The following RIPOR2 variants were observed in gnomAD, a reference collection of about 807,000 sequenced individuals.
RIPOR2 encodes RHO family interacting cell polarization regulator 2.
In RIPOR2, 39 loss-of-function variants were observed where a neutral mutation model predicts 114.5. The observed-to-expected ratio is 0.34, with a 90% CI of 0.26 to 0.44. The LOEUF is 0.44. Ranked by LOEUF, RIPOR2 falls within the 20% of genes least tolerant of loss-of-function variation. RIPOR2 has a pLI of 1.00. For synonymous variants in RIPOR2, 445 were observed against 484.4 expected, an observed-to-expected ratio of 0.92 and a Z score of 1.07; for missense variants, 1,007 against 1,255.1, an observed-to-expected ratio of 0.80 and a Z score of 2.99.
intron 12 of RIPOR2, 144 bp from the exon 13 acceptor site, chr6:24,843,698 CGTGTGTGTGTGTGTGTGT>C (rs34540028): frequency 2.3e-4 from 83 of 368,306 alleles, no homozygotes; most frequent in Middle Eastern, 7.0e-4. Flanking sequence ...TTGTTGATGC[CGTGTGTGTGTGTGTGTGT>C]GTGTGTGTGT....
chr6:25,030,610 CAA>C lies in RIPOR2; in HGVS notation c.76+11239_76+11240del, dbSNP rs565518264. ...CATGTTAAGTGAAAGAAGCAAGACT[CAA>C]AAGGCTACATACTGTATGATTCTGT... On this transcript the variant is annotated intron_variant, in intron 1 of 13. Coordinates refer to the RIPOR2 transcript ENST00000510784. Among the ~76,000 whole-genome samples, 127 of 152,280 alleles carry C rather than the reference CAA, an allele frequency of 8.3e-4. 1 individual carries two copies. The highest frequency in any genetic ancestry group is 2.9e-3 in the African/African-American group (119 of 41,552).
chr6:24,923,739 T>C (rs1219229979), intron 1 of RIPOR2, among the ~76,000 whole-genome samples: 4 of 152,014 alleles, frequency 2.6e-5, no homozygotes, highest in Admixed American at 6.6e-5. Context: ...TTCCAGCTGC[T>C]TGGGAAGCTG....
intron 14 of RIPOR2, chr6:24,836,102 T>G: frequency 1.9e-6 from 1 of 527,196 alleles, no homozygotes; most frequent in East Asian, 3.2e-5. Flanking sequence ...TTTCTCTACT[T>G]TTTAAGCCTA....
chr6:25,039,000 A>G (rs1042988435), intron 1 of RIPOR2, among the ~76,000 whole-genome samples: 11 of 152,262 alleles, frequency 7.2e-5, no homozygotes, highest in Non-Finnish European at 2.9e-5. Flanking sequence ...CAGTGGTGGC[A>G]CATGTCCCTC....
At chr6:24,939,285 T>C (rs914494833), upstream of RIPOR2, among the ~76,000 whole-genome samples, 3 of 152,166 alleles carry the variant, frequency 2.0e-5, no homozygotes, top group African/African-American at 7.2e-5. Flanking sequence ...TATATAAAAT[T>C]TTAACAAAGT....
intron 1 of RIPOR2, among the ~76,000 whole-genome samples, chr6:24,888,365 G>T (rs970119628): frequency 6.6e-6 from 1 of 152,178 alleles, no homozygotes; most frequent in Non-Finnish European, 1.5e-5. Context: ...AGCTATTAGT[G>T]ATTATTGCTT....
In RIPOR2 at chr6:24,805,237, A is replaced by T. The variant is rs1269887843; in HGVS notation, c.*1136T>A. 2.2e-5 allele frequency: 1 copy of T among 46,252 alleles called. No individual in the cohort carries two copies. The highest frequency in any genetic ancestry group is 6.3e-4 in the South Asian group (1 of 1,590). 2.9% of individuals were successfully genotyped at this position (46,252 alleles called of 1,614,324 possible). A position where few individuals can be genotyped will look rare whatever the true frequency, so the allele number is the denominator to read the frequency against. On this transcript the variant is annotated 3_prime_UTR_variant, in exon 22 of 22. Transcript: ENST00000643898. ...TCATAAAAAATAGCTCTCATTAATT[A>T]AAAAAAAAAAAGCATAAGCTTTGAG...
intron 1 of RIPOR2, chr6:24,976,981 A>T: frequency 6.5e-7 from 1 of 1,536,464 alleles, no homozygotes; most frequent in South Asian, 1.1e-5. Context: ...AACTCGAATA[A>T]GTTTGACTTG....
rs1344150022 is a variant in RIPOR2 at position 24,805,230 on chromosome 6, A to G, written c.*1143T>C. On this transcript the variant is annotated 3_prime_UTR_variant, in exon 22 of 22. Coordinates refer to ENST00000643898, the MANE Select transcript of RIPOR2 (RefSeq NM_001286445.3). ...AAGAATATCATAAAAAATAGCTCTCATTAATTAAAAAAAAAAAAGCATAAG... is the reference window on the plus strand; with the variant it reads ...AAGAATATCATAAAAAATAGCTCTCGTTAATTAAAAAAAAAAAAGCATAAG... 1 of 119,780 alleles carries G rather than the reference A, an allele frequency of 8.3e-6. No individual in the cohort carries two copies. The highest frequency in any genetic ancestry group is 2.0e-4 in the East Asian group (1 of 4,934). 7.4% of individuals were successfully genotyped at this position (119,780 alleles called of 1,614,324 possible). A position where few individuals can be genotyped will look rare whatever the true frequency, so the allele number is the denominator to read the frequency against.
intron 1 of RIPOR2, among the ~76,000 whole-genome samples, chr6:24,903,411 T>A (rs186250796): frequency 1.3e-5 from 2 of 152,250 alleles, no homozygotes; most frequent in East Asian, 3.9e-4. Context: ...TGAAAGATCA[T>A]GCGGGGTGGG....
Position 24,835,824 on chromosome 6 carries a change from A to G in RIPOR2, c.2087T>C (p.Leu696Pro). The change falls in exon 15 of 22, where the codon CTC becomes CCC. Residue 696 changes from leucine to proline, a missense_variant. By Grantham distance (98) the Leu-to-Pro change is moderately conservative. Transcript: ENST00000643898. ...PEARGHLSEA[L>P]TEDTGVGTSV... ...GGTCCCAACTCCTGTGTCTTCAGTG[A>G]GCGCTTCACTGAGATGCCCCCTGGC... 1 of 1,551,558 alleles carries G rather than the reference A, an allele frequency of 6.4e-7. No individual in the cohort carries two copies.
chr6:24,964,250 A>G (rs539151390), intron 1 of RIPOR2, among the ~76,000 whole-genome samples: 3 of 151,944 alleles, frequency 2.0e-5, no homozygotes, highest in Non-Finnish European at 4.4e-5. Context: ...GAATTGTTCC[A>G]TCGCTACAGA....
intron 1 of RIPOR2, among the ~76,000 whole-genome samples, chr6:24,890,138 A>G (rs1431608318): frequency 6.6e-6 from 1 of 151,854 alleles, no homozygotes; most frequent in East Asian, 1.9e-4. Context: ...CAGGAGATCC[A>G]CCCGCCTCAG....
At chr6:24,947,840 G>C (rs945141212) in intron 1 of RIPOR2, 2 of 152,166 alleles carry the variant, frequency 1.3e-5, no homozygotes, top group Non-Finnish European at 2.9e-5. Context: ...AACTTTTAAT[G>C]TATAAGTTAA....
intron 18 of RIPOR2, among the ~76,000 whole-genome samples, chr6:24,825,713 TA>T (rs1315136342): frequency 6.6e-6 from 1 of 152,074 alleles, no homozygotes; most frequent in African/African-American, 2.4e-5. Context: ...TAGCCCAAGG[TA>T]AAAATATACA....
At chr6:24,967,068 G>C (rs1220974135) in intron 1 of RIPOR2, among the ~76,000 whole-genome samples, 22 of 152,166 alleles carry the variant, frequency 1.4e-4, no homozygotes, top group Non-Finnish European at 1.5e-5. Context: ...TTGAGTTACT[G>C]ACCAAAGGAG....
At chr6:24,958,155 T>G (rs557013000) in intron 1 of RIPOR2, among the ~76,000 whole-genome samples, 47 of 152,318 alleles carry the variant, frequency 3.1e-4, no homozygotes, top group Admixed American at 6.5e-4. Context: ...TTTAAAAAGC[T>G]ATGTTTTGCA....
chr6:24,999,006 C>T (rs1301140408), intron 1 of RIPOR2, among the ~76,000 whole-genome samples: 1 of 152,162 alleles, frequency 6.6e-6, no homozygotes, highest in East Asian at 1.9e-4. Context: ...CCACATAGCA[C>T]TGAATCAGAG....
At chr6:24,826,177 T>C (rs1448692051) in intron 18 of RIPOR2, among the ~76,000 whole-genome samples, 1 of 152,128 alleles carries the variant, frequency 6.6e-6, no homozygotes, top group East Asian at 1.9e-4. Flanking sequence ...TCCACCCGCC[T>C]TGGACTCCCA....
Sources: gnomAD v4.1 joint callset for allele counts (sites outside exome capture counted in the v4.1 genomes callset) on GRCh38, gnomAD v4.1.1 for gene constraint, MANE v1.5 for transcripts, NCBI Gene and HGNC (gene_info 2026-07-23, HGNC 2026-07-21) for gene names.